DIP2B: variants seen among roughly 807,000 people sequenced by gnomAD.
DIP2B encodes the protein disco-interacting protein 2 homolog B.
DIP2B carries 76 observed loss-of-function variants against 198.0 expected under a neutral mutation model. That is an observed-to-expected ratio of 0.38 (90% CI 0.32 to 0.46). DIP2B has a LOEUF of 0.46. Ranked by LOEUF, DIP2B falls within the 20% of genes least tolerant of loss-of-function variation. DIP2B has a pLI of 0.99. For synonymous variants in DIP2B, 701 were observed against 739.1 expected, an observed-to-expected ratio of 0.95 and a Z score of 0.84; for missense variants, 1,559 against 1,978.4, an observed-to-expected ratio of 0.79 and a Z score of 4.02.
chr12:50,686,132 A>C (rs571540158), intron 11 of DIP2B, among the ~76,000 whole-genome samples, 176 bp downstream of exon 11: 1 of 152,358 alleles, frequency 6.6e-6, no homozygotes, highest in South Asian at 2.1e-4. Context: ...TGAGAAACAG[A>C]GAGGTTAAGT....
chr12:50,718,847 AC>A (rs747389648), intron 24 of DIP2B, 29 bp downstream of exon 24: 24 of 1,611,918 alleles, frequency 1.5e-5, no homozygotes, highest in Non-Finnish European at 2.0e-5. Flanking sequence ...TTACCTTCTT[AC>A]AGTCAAGTCA....
chr12:50,637,840 T>G (rs893261089), intron 2 of DIP2B, among the ~76,000 whole-genome samples: 5 of 152,208 alleles, frequency 3.3e-5, no homozygotes, highest in Admixed American at 6.5e-5. Context: ...TCCATCTTCC[T>G]GAGTGGAAAT....
At chr12:50,530,979 A>T (rs1356421653) in intron 1 of DIP2B, among the ~76,000 whole-genome samples, 2 of 152,194 alleles carry the variant, frequency 1.3e-5, no homozygotes, top group African/African-American at 4.8e-5. Flanking sequence ...GAAGATATAC[A>T]TTCAGTATTC....
chr12:50,693,099 C>A, intron 14 of DIP2B, 86 bp downstream of exon 14: 1 of 1,307,790 alleles, frequency 7.6e-7, no homozygotes, highest in Non-Finnish European at 1.1e-6. Flanking sequence ...TCTCTCAGTG[C>A]TTGTTTGAAA....
intron 1 of DIP2B, among the ~76,000 whole-genome samples, chr12:50,600,481 G>A (rs1958925103): frequency 6.6e-6 from 1 of 152,140 alleles, no homozygotes; most frequent in Admixed American, 6.5e-5. Context: ...CAGGTGTTGG[G>A]AGTGAAAATC....
rs1382760014 is a variant in DIP2B, at chr12:50,509,397, A to G, written c.100+4157A>G. The stretch of plus-strand genomic sequence containing the variant: ...TCTGTGGCATGCAGGAAGGAGCTCA[A>G]GTCTTTCAGTGTCTGAGAACAGTCC... On this transcript the variant is annotated intron_variant, in intron 1 of 37. Transcript: ENST00000301180. 3.3e-5 allele frequency among the ~76,000 whole-genome samples: 5 copies of G among 152,226 alleles called. No individual in the cohort carries two copies. In the East Asian group the frequency reaches 9.6e-4, roughly 29 times the overall value.
At chr12:50,713,538 G>A (rs886081654) in intron 22 of DIP2B, among the ~76,000 whole-genome samples, 1 of 152,224 alleles carries the variant, frequency 6.6e-6, no homozygotes, top group Non-Finnish European at 1.5e-5. Context: ...TGCGAGCACA[G>A]GTACGCTCAG....
intron 1 of DIP2B, among the ~76,000 whole-genome samples, chr12:50,519,511 G>C (rs1038280798): frequency 6.6e-6 from 1 of 152,154 alleles, no homozygotes. Context: ...CTTGAATTGA[G>C]ATGGAGATGA....
chr12:50,695,939 G>A lies in DIP2B; in HGVS notation c.1905G>A (p.Met635Ile). The change falls in exon 16 of 38, where the codon ATG becomes ATA. Residue 635 changes from methionine (M) to isoleucine (I), a missense_variant. By Grantham distance (10) the Met-to-Ile change is conservative (BLOSUM62 1). Transcript: ENST00000301180. ...QRDVSLSSLR[M>I]LIVTDGANPW... ...ACGTGAGCTTGAGTTCCCTCCGAAT[G>A]TTAATTGTGACTGATGGAGCTAACC... 6.2e-7 allele frequency: 1 copy of A among 1,614,098 alleles called. No homozygotes were observed. The highest frequency in any genetic ancestry group is 8.5e-7 in the Non-Finnish European group (1 of 1,179,952).
At chr12:50,593,712 T>TCCCCTCCC in intron 1 of DIP2B, among the ~76,000 whole-genome samples, 1 of 8,528 alleles carries the variant, frequency 1.2e-4, no homozygotes, top group South Asian at 0.01. Flanking sequence ...TCTCCCCTCC[T>TCCCCTCCC]CTCCTCTCCT....
chr12:50,561,753 G>T (rs560981932), intron 1 of DIP2B, among the ~76,000 whole-genome samples: 1 of 152,118 alleles, frequency 6.6e-6, no homozygotes, highest in East Asian at 1.9e-4. Flanking sequence ...GATTACAGGC[G>T]TGTGCAACCA....
In DIP2B at chr12:50,664,830, G is replaced by T. The variant is rs868167374; in HGVS notation, c.427+4511G>T. Among the ~76,000 whole-genome samples, 9 of 99,644 alleles carry T rather than the reference G, an allele frequency of 9.0e-5. 1 individual carries two copies. The highest frequency in any genetic ancestry group is 3.3e-4 in the African/African-American group (8 of 23,974). 65.4% of individuals were successfully genotyped at this position (99,644 alleles called of 152,430 possible). On this transcript the variant is annotated intron_variant, in intron 4 of 37. Coordinates refer to ENST00000301180, the MANE Select transcript of DIP2B (RefSeq NM_173602.3). ...CAAGGAGAATTTCCCTCCTTTTTTG[G>T]TTTTTGTTTTTTTTTTTTTTTTTTT... is the stretch of plus-strand genomic sequence containing the variant.
intron 1 of DIP2B, among the ~76,000 whole-genome samples, chr12:50,621,190 A>G (rs756307723): frequency 1.6e-4 from 24 of 152,282 alleles, no homozygotes; most frequent in Middle Eastern, 3.2e-3. Flanking sequence ...GAAATGTGAA[A>G]TAACAGATTC....
chr12:50,625,858 C>G (rs552635171), intron 1 of DIP2B, 118 bp from the exon 2 acceptor site: 49 of 1,072,772 alleles, frequency 4.6e-5, no homozygotes, highest in African/African-American at 1.7e-4. Flanking sequence ...ATTCCCCCCC[C>G]CAACCCCCTG....
intron 1 of DIP2B, among the ~76,000 whole-genome samples, chr12:50,585,363 G>A (rs565248274): frequency 3.9e-5 from 6 of 152,344 alleles, no homozygotes; most frequent in African/African-American, 1.2e-4. Context: ...TGCTGACTGT[G>A]ACCTGTGCCT....
At chr12:50,510,464 C>T (rs2139338002) in intron 1 of DIP2B, among the ~76,000 whole-genome samples, 1 of 152,318 alleles carries the variant, frequency 6.6e-6, no homozygotes, top group South Asian at 2.1e-4. Flanking sequence ...AGACTTAGCA[C>T]TTCAGGGTTG....
At chr12:50,540,662 C>T (rs1303117078) in intron 1 of DIP2B, among the ~76,000 whole-genome samples, 1 of 151,398 alleles carries the variant, frequency 6.6e-6, no homozygotes, top group African/African-American at 2.4e-5. Flanking sequence ...CATTCTCCTG[C>T]CTCAGCCTAC....
intron 1 of DIP2B, among the ~76,000 whole-genome samples, chr12:50,557,795 T>G (rs1211389729): frequency 6.6e-6 from 1 of 152,212 alleles, no homozygotes; most frequent in Admixed American, 6.5e-5. Context: ...TCTCCCAGAT[T>G]GAACTTGCCT....
chr12:50,659,049 T>C (rs908178308), intron 3 of DIP2B, among the ~76,000 whole-genome samples: 3 of 152,096 alleles, frequency 2.0e-5, no homozygotes, highest in African/African-American at 7.2e-5. Context: ...ATTGCGCCAC[T>C]GCACTCCAGC....
Sources: gnomAD v4.1 joint callset for allele counts (sites outside exome capture counted in the v4.1 genomes callset) on GRCh38, gnomAD v4.1.1 for gene constraint, MANE v1.5 for transcripts, NCBI Gene and HGNC (gene_info 2026-07-23, HGNC 2026-07-21) for gene names.